IFT52: variants seen among roughly 807,000 people sequenced by gnomAD.
IFT52 encodes the protein intraflagellar transport 52, also known as intraflagellar transport protein 52 homolog.
Under a neutral mutation model 54.4 loss-of-function variants are expected in IFT52, and 44 were observed. The observed-to-expected ratio is 0.81, with a 90% CI of 0.63 to 1.04. The LOEUF is 1.04. IFT52 is among the 50% of genes least tolerant of loss of function. The pLI is 0.00. For missense variants in IFT52, 452 were observed against 523.6 expected (o/e 0.86, Z 1.33); for synonymous variants, 181 against 185.3 (o/e 0.98, Z 0.19).
chr20:43,603,690 G>T, intron 3 of IFT52, 70 bp from the exon 4 acceptor site: 1 of 1,374,090 alleles, frequency 7.3e-7, no homozygotes, highest in East Asian at 2.3e-5. Flanking sequence ...TCTAGTTAAG[G>T]TCTTATTCAT....
At chr20:43,627,985 G>A (rs1029089844) in intron 10 of IFT52, among the ~76,000 whole-genome samples, 1 of 138,732 alleles carries the variant, frequency 7.2e-6, no homozygotes, top group Non-Finnish European at 1.5e-5. Context: ...GGAGTGCAGA[G>A]GCACGATCTC....
At chr20:43,615,766 C>A (rs542848579) in intron 7 of IFT52, among the ~76,000 whole-genome samples, 1 of 151,904 alleles carries the variant, frequency 6.6e-6, no homozygotes, top group Admixed American at 6.6e-5. Flanking sequence ...GTGAAACCCC[C>A]TCTCTACTAA....
intron 1 of IFT52, among the ~76,000 whole-genome samples, chr20:43,592,254 G>A (rs1467925157): frequency 6.6e-6 from 1 of 151,982 alleles, no homozygotes; most frequent in Non-Finnish European, 1.5e-5. Flanking sequence ...GCTTGAACTT[G>A]GGAGGCGGAG....
intron 1 of IFT52, among the ~76,000 whole-genome samples, chr20:43,591,402 G>A (rs1222376091): frequency 6.6e-6 from 1 of 152,242 alleles, no homozygotes; most frequent in Non-Finnish European, 1.5e-5. Context: ...AAGAGAAAGC[G>A]AGAGAATGGT....
chr20:43,605,016 CT>C lies in IFT52; in HGVS notation c.429del (p.Ala144GlnfsTer31), dbSNP rs1300910809. The C allele has an allele frequency of 6.2e-7, 1 of 1,613,578 alleles. No individual in the cohort carries two copies. Among genetic ancestry groups the C allele is most frequent in the Admixed American group, 1.7e-5 (1 of 59,942 alleles). ...SGVLNREISRAAGKAVPGIID... is the reference protein window; with the variant it reads ...SGVLNREISRXAGKAVPGIID... ...TCTTCTTCAAGGGAAATTAGCCGAGCTGCAGGAAAGGCTGTGCCTGGGATCA... is the reference window on the plus strand; with the variant it reads ...TCTTCTTCAAGGGAAATTAGCCGAGCGCAGGAAAGGCTGTGCCTGGGATCA... On this transcript the variant is annotated frameshift_variant, in exon 6 of 14. Transcript: ENST00000373030. LOFTEE classifies it high-confidence loss of function.
At chr20:43,597,021 G>T (rs1217786649) in intron 3 of IFT52, among the ~76,000 whole-genome samples, 1 of 151,244 alleles carries the variant, frequency 6.6e-6, no homozygotes, top group African/African-American at 2.4e-5. Flanking sequence ...GATTACAGGT[G>T]TGAGCCACCG....
chr20:43,618,626 C>T (rs536197436), intron 7 of IFT52, among the ~76,000 whole-genome samples: 7 of 148,602 alleles, frequency 4.7e-5, no homozygotes, highest in African/African-American at 7.4e-5. Context: ...GGACTACAGG[C>T]GCATGCCACC....
In IFT52 at chr20:43,623,229, G is replaced by A. The variant is rs182165860; in HGVS notation, c.769-662G>A. ...AGACAAAGTCTTACTGTGTCACCCA[G>A]GCTGGTGTGCAGTGGTTTGATCACG... On this transcript the variant is annotated intron_variant, in intron 9 of 13. Transcript: ENST00000373030. Among the ~76,000 whole-genome samples, 316 of 152,300 alleles carry A rather than the reference G, an allele frequency of 2.1e-3. 2 individuals carry two copies. Among genetic ancestry groups the A allele is most frequent in the Non-Finnish European group, 2.8e-3 (188 of 68,014 alleles).
At position 43,613,835 on chromosome 20, in the gene IFT52, T is replaced by C. The variant is rs768726052; in HGVS notation, c.486-15T>C. On this transcript the variant is annotated splice_polypyrimidine_tract_variant and intron_variant, in intron 6 of 13. Coordinates refer to ENST00000373030, the MANE Select transcript of IFT52 (RefSeq NM_016004.5). Reference sequence around the variant, plus strand: ...TGTTTTTAAAATTTGAATGTGTTTCTTTAATTTCTTACAGGGCTCTCACCT... The same window carrying C: ...TGTTTTTAAAATTTGAATGTGTTTCCTTAATTTCTTACAGGGCTCTCACCT... The C allele has an allele frequency of 4.4e-6, 7 of 1,601,934 alleles. No homozygotes were observed. The highest frequency in any genetic ancestry group is 6.0e-6 in the Non-Finnish European group (7 of 1,176,254).
At chr20:43,606,869 C>T (rs1022909774) in intron 6 of IFT52, among the ~76,000 whole-genome samples, 1 of 152,136 alleles carries the variant, frequency 6.6e-6, no homozygotes, top group African/African-American at 2.4e-5. Flanking sequence ...CCTGAGTGGA[C>T]ACAGCACATG....
intron 6 of IFT52, among the ~76,000 whole-genome samples, chr20:43,613,331 C>T (rs999026921): frequency 7.9e-5 from 12 of 152,202 alleles, no homozygotes; most frequent in African/African-American, 2.7e-4. Context: ...CCATCAGGGG[C>T]TTCTTTAGTT....
chr20:43,606,718 G>A (rs946988362), intron 6 of IFT52, among the ~76,000 whole-genome samples: 1 of 152,090 alleles, frequency 6.6e-6, no homozygotes, highest in African/African-American at 2.4e-5. Context: ...GTTTTCCTAG[G>A]CAGAGGACCC....
chr20:43,591,117 G>C (rs1336460167), intron 1 of IFT52, 63 bp downstream of exon 1: 1 of 152,434 alleles, frequency 6.6e-6, no homozygotes, highest in East Asian at 1.9e-4. Context: ...GCTGGCGAGG[G>C]ACTCGCCGCA....
At chr20:43,622,768 TTGTGTGTAAATATAAATATATAC>T (rs1984426747) in intron 9 of IFT52, among the ~76,000 whole-genome samples, 5 of 107,408 alleles carry the variant, frequency 4.7e-5, no homozygotes, top group Admixed American at 1.7e-4. Context: ...TATATACAAA[TTGTGTGTAAATATAAATATATAC>T]ATATTTTTAT....
chr20:43,641,805 TTTTG>T (rs1210520659), intron 12 of IFT52, among the ~76,000 whole-genome samples: 4 of 151,686 alleles, frequency 2.6e-5, no homozygotes, highest in Non-Finnish European at 5.9e-5. Flanking sequence ...TTTTGTTTTG[TTTTG>T]TTTGAGATGG....
At chr20:43,595,554 T>TA (rs1446599364) in intron 2 of IFT52, among the ~76,000 whole-genome samples, 1 of 149,374 alleles carries the variant, frequency 6.7e-6, no homozygotes, top group African/African-American at 2.5e-5. Flanking sequence ...TCTAAAAAAA[T>TA]AAAAAAACAT....
rs371145900 is a variant in IFT52 at position 43,612,571 on chromosome 20, G to A, written c.486-1279G>A. Among the ~76,000 whole-genome samples the A allele has an allele frequency of 1.3e-4, 19 of 151,930 alleles. 1 individual carries two copies. The highest frequency in any genetic ancestry group is 3.9e-4 in the African/African-American group (16 of 41,466). ...AGTAGGTGTGGTGGCATGCACCTGT[G>A]GTCCCAGCTACTCAGGGCACTAAGG... is the stretch of plus-strand genomic sequence containing the variant. On this transcript the variant is annotated intron_variant, in intron 6 of 13. Transcript: ENST00000373030.
At chr20:43,612,504 G>A (rs78576206) in intron 6 of IFT52, among the ~76,000 whole-genome samples, 1 of 151,854 alleles carries the variant, frequency 6.6e-6, no homozygotes, top group African/African-American at 2.4e-5. Flanking sequence ...ACCAGCCTGG[G>A]CAACATGGTG....
At chr20:43,614,241 CTT>C (rs35499151) in intron 7 of IFT52, among the ~76,000 whole-genome samples, 12 of 144,020 alleles carry the variant, frequency 8.3e-5, no homozygotes, top group East Asian at 2.0e-4. Context: ...TGTATTATAA[CTT>C]TTTTTTTTTT....
Sources: gnomAD v4.1 joint callset for allele counts (sites outside exome capture counted in the v4.1 genomes callset) on GRCh38, gnomAD v4.1.1 for gene constraint, MANE v1.5 for transcripts, NCBI Gene and HGNC (gene_info 2026-07-23, HGNC 2026-07-21) for gene names.